Variants in LRBA observed in about 807,000 individuals in gnomAD.
The protein encoded by LRBA is LPS responsive beige-like anchor protein.
In LRBA, 176 loss-of-function variants were observed where a neutral mutation model predicts 330.0. That is an observed-to-expected ratio of 0.53 (90% CI 0.47 to 0.60). The LOEUF is 0.60. Ranked by LOEUF, LRBA falls within the 20% of genes least tolerant of loss-of-function variation. The pLI is 0.00. For missense variants in LRBA, 3,259 were observed against 3,444.8 expected (o/e 0.95, Z 1.35); for synonymous variants, 1,230 against 1,193.0 (o/e 1.03, Z -0.64).
chr4:150,380,239 C>T (rs953278002), intron 47 of LRBA, among the ~76,000 whole-genome samples: 15 of 151,960 alleles, frequency 9.9e-5, no homozygotes, highest in Admixed American at 5.9e-4. Context: ...AACTCTACTC[C>T]TCAATGGCGC....
Position 150,781,563 on chromosome 4 carries a change from C to T in LRBA, c.5580+16518G>A, listed in dbSNP as rs75096301. Reference sequence around the variant, plus strand: ...AACAGTCCACAGACTGGTACTGTGGCCCAGGAGTTGGGGACGTCTGTTTTA... The same window carrying T: ...AACAGTCCACAGACTGGTACTGTGGTCCAGGAGTTGGGGACGTCTGTTTTA... On this transcript the variant is annotated intron_variant, in intron 34 of 56. Transcript: ENST00000651943. 6.7e-4 allele frequency among the ~76,000 whole-genome samples: 102 copies of T among 152,292 alleles called. No homozygotes were observed. In the East Asian group the frequency reaches 0.018, roughly 27 times the overall value.
intron 22 of LRBA, among the ~76,000 whole-genome samples, chr4:150,866,100 T>C (rs1317135933): frequency 3.9e-5 from 6 of 152,204 alleles, no homozygotes; most frequent in Admixed American, 6.5e-5. Flanking sequence ...CTTAAAGATA[T>C]AGAGAAATTA....
intron 37 of LRBA, among the ~76,000 whole-genome samples, chr4:150,623,864 T>G (rs540155183): frequency 6.6e-6 from 1 of 152,250 alleles, no homozygotes; most frequent in South Asian, 2.1e-4. Flanking sequence ...TTTTATGTTA[T>G]TATTATTATA....
intron 2 of LRBA, 161 bp downstream of exon 2, chr4:151,014,266 A>T (rs1745178949): frequency 3.4e-6 from 2 of 592,734 alleles, no homozygotes; most frequent in Non-Finnish European, 6.0e-6. Context: ...TTCAATCTAA[A>T]AAACAGATGA....
rs1560910474 is a variant in LRBA at position 150,849,404 on chromosome 4, T to C, written c.4158+18A>G. Reference sequence around the variant, plus strand: ...CTCATGTTTTCACACCAATTTTCTATAGTAATTAAGTCCTTACTGTAGCCG... The same window carrying C: ...CTCATGTTTTCACACCAATTTTCTACAGTAATTAAGTCCTTACTGTAGCCG... On this transcript the variant is annotated intron_variant, in intron 25 of 56. Transcript: ENST00000651943. 1 of 1,609,200 alleles carries C rather than the reference T, an allele frequency of 6.2e-7. No homozygotes were observed. The highest frequency in any genetic ancestry group is 1.7e-4 in the Middle Eastern group (1 of 6,040).
intron 9 of LRBA, among the ~76,000 whole-genome samples, chr4:150,913,872 T>G (rs1377144594): frequency 6.6e-6 from 1 of 152,198 alleles, no homozygotes; most frequent in Non-Finnish European, 1.5e-5. Context: ...ACACATCTCT[T>G]TATTTGTGGG....
At chr4:150,320,367 G>A (rs994672263) in intron 50 of LRBA, among the ~76,000 whole-genome samples, 4 of 152,088 alleles carry the variant, frequency 2.6e-5, no homozygotes, top group South Asian at 4.1e-4. Flanking sequence ...TTTAATGGAA[G>A]AACAGAAGGT....
chr4:150,826,326 G>C (rs1746273612), intron 30 of LRBA, among the ~76,000 whole-genome samples: 1 of 152,140 alleles, frequency 6.6e-6, no homozygotes, highest in Non-Finnish European at 1.5e-5. Context: ...TGGGATGGGG[G>C]GGAAGCCACA....
chr4:150,692,034 GA>G (rs1325904189), intron 36 of LRBA, among the ~76,000 whole-genome samples: 6 of 152,132 alleles, frequency 3.9e-5, no homozygotes, highest in African/African-American at 1.4e-4. Context: ...AGTATATGGA[GA>G]GGAATTGACC....
At chr4:150,641,567 G>A (rs1429528492) in intron 37 of LRBA, among the ~76,000 whole-genome samples, 5 of 152,020 alleles carry the variant, frequency 3.3e-5, no homozygotes, top group Non-Finnish European at 7.4e-5. Context: ...TTGCAAATAA[G>A]GTTTCATTTG....
At chr4:150,456,508 A>C (rs374601067) in intron 44 of LRBA, among the ~76,000 whole-genome samples, 1 of 152,046 alleles carries the variant, frequency 6.6e-6, no homozygotes, top group Non-Finnish European at 1.5e-5. Context: ...GTGCCCATTT[A>C]AAAAATTGGA....
At chr4:150,542,325 T>C (rs370449587) in intron 40 of LRBA, among the ~76,000 whole-genome samples, 2 of 152,234 alleles carry the variant, frequency 1.3e-5, no homozygotes, top group East Asian at 1.9e-4. Context: ...TCTTAGCTCA[T>C]TCAGCTATAA....
chr4:150,344,504 A>G (rs1400871405), intron 48 of LRBA, among the ~76,000 whole-genome samples: 2 of 152,206 alleles, frequency 1.3e-5, no homozygotes, highest in Non-Finnish European at 1.5e-5. Context: ...CAAACATATT[A>G]GTAACATGGG....
At chr4:150,900,693 C>T (rs1730621750) in intron 13 of LRBA, among the ~76,000 whole-genome samples, 1 of 151,678 alleles carries the variant, frequency 6.6e-6, no homozygotes, top group Admixed American at 6.6e-5. Flanking sequence ...TAGAACAAAA[C>T]CAAAAGAAAG....
At chr4:150,473,880 C>T (rs1488023357) in intron 42 of LRBA, among the ~76,000 whole-genome samples, 2 of 152,100 alleles carry the variant, frequency 1.3e-5, no homozygotes, top group South Asian at 2.1e-4. Context: ...ATAAAAAGTG[C>T]TTTATCAGAC....
chr4:150,844,766 T>C lies in LRBA; in HGVS notation c.4353A>G (p.Ala1451=), dbSNP rs753518345. 6.2e-7 allele frequency: 1 copy of C among 1,612,584 alleles called. No individual in the cohort carries two copies. Among genetic ancestry groups the C allele is most frequent in the Non-Finnish European group, 8.5e-7 (1 of 1,179,102 alleles). Residue 1451 remains alanine, a synonymous_variant, in exon 27 of 57, where the codon GCA becomes GCG. Coordinates refer to ENST00000651943, the MANE Select transcript of LRBA (RefSeq NM_001364905.1). The part of the protein sequence containing the change: ...RQCLRLVCAV[A]VRNCLECQQH... Reference sequence around the variant, plus strand: ...GTTGACACTCCAAGCAATTCCTTACTGCGACTGCACAAACTGTAATTTATT... The same window carrying C: ...GTTGACACTCCAAGCAATTCCTTACCGCGACTGCACAAACTGTAATTTATT...
chr4:150,735,450 G>T, intron 35 of LRBA, 84 bp from the exon 36 acceptor site: 1 of 860,480 alleles, frequency 1.2e-6, no homozygotes. Flanking sequence ...TGGAGAGGAA[G>T]GAATACTTAC....
At chr4:150,750,278 C>T (rs1733357416) in intron 35 of LRBA, among the ~76,000 whole-genome samples, 1 of 152,122 alleles carries the variant, frequency 6.6e-6, no homozygotes, top group South Asian at 2.1e-4. Context: ...GCTATATCCT[C>T]AGATTCCAGA....
intron 47 of LRBA, among the ~76,000 whole-genome samples, chr4:150,380,632 A>T (rs546784095): frequency 3.3e-5 from 5 of 152,272 alleles, no homozygotes; most frequent in African/African-American, 1.2e-4. Flanking sequence ...TAAAAGGAAA[A>T]GAAGATGTCT....
Sources: allele counts gnomAD v4.1 joint callset (sites outside exome capture counted in the v4.1 genomes callset), GRCh38; gene constraint gnomAD v4.1.1; transcripts MANE v1.5; gene names NCBI Gene and HGNC (gene_info 2026-07-23, HGNC 2026-07-21).